CIB1: variants seen among roughly 807,000 people sequenced by gnomAD.
CIB1 encodes calcium and integrin-binding protein 1.
A neutral mutation model predicts 25.0 loss-of-function variants in CIB1; 19 were observed. The observed-to-expected ratio is 0.76, with a 90% CI of 0.53 to 1.12. CIB1 has a LOEUF of 1.12. Among genes scored for constraint, CIB1 ranks in the 50% most tolerant of loss-of-function variants. The pLI, the probability that CIB1 is intolerant of heterozygous loss-of-function variation, is 0.00. For synonymous variants in CIB1, 104 were observed against 98.5 expected, an observed-to-expected ratio of 1.06 and a Z score of -0.33; for missense variants, 236 against 242.6, an observed-to-expected ratio of 0.97 and a Z score of 0.18.
At chr15:90,234,930 G>A (rs1038972877), upstream of CIB1, among the ~76,000 whole-genome samples, 1 of 152,214 alleles carries the variant, frequency 6.6e-6, no homozygotes, top group Non-Finnish European at 1.5e-5. Flanking sequence ...GGAAGTGGAG[G>A]TTGTGTTGGT....
At chr15:90,265,523 C>A in the CIB1 span, 1 of 1,393,010 alleles carries the variant, frequency 7.2e-7, no homozygotes, top group South Asian at 1.5e-5. Flanking sequence ...TTCAGGGAAG[C>A]CCTCTCCACA....
chr15:90,258,417 G>A, the CIB1 span: 2 of 729,980 alleles, frequency 2.7e-6, no homozygotes, highest in East Asian at 2.5e-5. Context: ...GAAGGCATAA[G>A]ATCTCTACCC....
upstream of CIB1, among the ~76,000 whole-genome samples, chr15:90,237,284 T>C (rs1043155556): frequency 2.5e-4 from 3 of 12,180 alleles, no homozygotes; most frequent in African/African-American, 2.4e-3. Flanking sequence ...TTTTTTTCCC[T>C]TTTTTTTTTT....
At chr15:90,265,684 C>T in the CIB1 span, 1 of 1,612,342 alleles carries the variant, frequency 6.2e-7, no homozygotes, top group South Asian at 1.1e-5. Flanking sequence ...TGTTTCGTAG[C>T]CGACTGCTGA....
the CIB1 span, chr15:90,240,746 G>A: frequency 1.7e-6 from 1 of 580,304 alleles, no homozygotes; most frequent in Non-Finnish European, 3.0e-6. Context: ...CCAGGAGGCG[G>A]AGGTTACAGT....
chr15:90,262,902 T>G, the CIB1 span: 1 of 1,486,168 alleles, frequency 6.7e-7, no homozygotes, highest in African/African-American at 1.4e-5. Context: ...CCTGTAGCCA[T>G]CCTGGGTGAT....
the CIB1 span, chr15:90,250,700 T>C: frequency 6.2e-7 from 1 of 1,614,092 alleles, no homozygotes; most frequent in African/African-American, 1.3e-5. Context: ...ATCTGAGAAG[T>C]GTGTTAAAGA....
At chr15:90,265,595 G>C in the CIB1 span, 3 of 1,427,364 alleles carry the variant, frequency 2.1e-6, no homozygotes, top group Admixed American at 4.1e-5. Flanking sequence ...CCCACCAAGT[G>C]AAGCGGGAAA....
At chr15:90,255,943 A>G in the CIB1 span, 2 of 1,612,016 alleles carry the variant, frequency 1.2e-6, no homozygotes, top group Non-Finnish European at 1.7e-6. Flanking sequence ...GGTCGCTCTC[A>G]GAGCTCTGGT....
upstream of CIB1, among the ~76,000 whole-genome samples, chr15:90,235,472 C>A (rs1035874950): frequency 6.6e-6 from 1 of 152,006 alleles, no homozygotes; most frequent in Non-Finnish European, 1.5e-5. Context: ...GGAGATTGTG[C>A]CACTGCAGTC....
At chr15:90,234,421 G>C (rs894766762), upstream of CIB1, 4 of 152,666 alleles carry the variant, frequency 2.6e-5, no homozygotes, top group African/African-American at 9.6e-5. Context: ...CCTCTGCCCA[G>C]CAAGGGCTTT....
the CIB1 span, chr15:90,257,185 GATCAC>G: frequency 6.2e-7 from 1 of 1,613,878 alleles, no homozygotes; most frequent in Non-Finnish European, 8.5e-7. Flanking sequence ...TCTACGTCCT[GATCAC>G]ATCCTGTGAC....
chr15:90,230,711 T>C (rs1962456510), intron 6 of CIB1, among the ~76,000 whole-genome samples: 1 of 151,010 alleles, frequency 6.6e-6, no homozygotes, highest in Non-Finnish European at 1.5e-5. Flanking sequence ...TTATTACTAA[T>C]GAGTACAAAC....
chr15:90,238,142 A>C (rs1200026701), upstream of CIB1, among the ~76,000 whole-genome samples: 1 of 152,190 alleles, frequency 6.6e-6, no homozygotes, highest in Non-Finnish European at 1.5e-5. Flanking sequence ...TTTCCTAAAA[A>C]TACAAACATT....
chr15:90,238,154 G>C (rs536057905), upstream of CIB1, among the ~76,000 whole-genome samples: 1 of 152,172 alleles, frequency 6.6e-6, no homozygotes, highest in South Asian at 2.1e-4. Context: ...ACAAACATTA[G>C]CCGGGCGTGG....
At chr15:90,265,721 TA>T in the CIB1 span, 2 of 1,613,354 alleles carry the variant, frequency 1.2e-6, no homozygotes, top group Non-Finnish European at 1.7e-6. Context: ...ACATGGCGGT[TA>T]CCCTGAGTCT....
At chr15:90,232,177 G>T in intron 3 of CIB1, 42 bp downstream of exon 3, 3 of 1,484,882 alleles carry the variant, frequency 2.0e-6, no homozygotes, top group Non-Finnish European at 2.8e-6. Context: ...CTAGCAGGGA[G>T]GGAGTGGTGG....
chr15:90,264,835 C>T, the CIB1 span: 11 of 1,535,944 alleles, frequency 7.2e-6, no homozygotes, highest in Non-Finnish European at 7.8e-6. Flanking sequence ...TGGCATCTGA[C>T]TCATGGACTG....
the CIB1 span, chr15:90,241,809 T>G: frequency 6.2e-7 from 1 of 1,614,118 alleles, no homozygotes; most frequent in Non-Finnish European, 8.5e-7. Flanking sequence ...GGGAAAGACA[T>G]CACCTTCCTC....
Sources: gnomAD v4.1 joint callset for allele counts (sites outside exome capture counted in the v4.1 genomes callset) on GRCh38, gnomAD v4.1.1 for gene constraint, MANE v1.5 for transcripts, NCBI Gene and HGNC (gene_info 2026-07-23, HGNC 2026-07-21) for gene names.